Variants in DNAH9 observed in about 807,000 individuals in gnomAD.
DNAH9 encodes DNAH9 variant protein.
DNAH9 carries 345 observed loss-of-function variants against 471.6 expected under a neutral mutation model. The ratio of observed to expected loss-of-function variants is 0.73; its 90% CI spans 0.67 to 0.80. The LOEUF (loss-of-function observed/expected upper bound fraction) is 0.80. DNAH9 is among the 30% of genes least tolerant of loss of function. DNAH9 has a pLI of 0.00. For synonymous variants in DNAH9, 2,093 were observed against 2,123.6 expected (o/e 0.99, Z 0.40); for missense variants, 5,407 against 5,609.2 (o/e 0.96, Z 1.15).
chr17:11,948,938 G>A (rs922384521), intron 67 of DNAH9, among the ~76,000 whole-genome samples: 5 of 152,136 alleles, frequency 3.3e-5, no homozygotes, highest in African/African-American at 4.8e-5. Flanking sequence ...CTGAACGCCC[G>A]CTGCATGACC....
At chr17:11,744,276 C>T (rs2075480574) in intron 30 of DNAH9, among the ~76,000 whole-genome samples, 1 of 152,180 alleles carries the variant, frequency 6.6e-6, no homozygotes, top group South Asian at 2.1e-4. Flanking sequence ...ATGCTGCCAC[C>T]TGAAGCCTAG....
rs3744575 is a variant in DNAH9, at chr17:11,632,776, A to G, written c.1635+73A>G. 0.16 allele frequency: 111,672 copies of G among 711,018 alleles called. 9,993 individuals carry two copies. The highest frequency in any genetic ancestry group is 0.29 in the South Asian group (16,900 of 59,290). The allele number at this position is 711,018 out of a possible 1,614,324, so 44.0% of individuals were successfully genotyped here. A position where few individuals can be genotyped will look rare whatever the true frequency, so the allele number is the denominator to read the frequency against. On this transcript the variant is annotated intron_variant, in intron 8 of 68. Transcript: ENST00000262442. ...GCCCTCATCAGAGGATGATATGGAT[A>G]CCTTTCCACCTGTTCTGTTCCTGCA...
chr17:11,695,590 T>G (rs977010418), intron 22 of DNAH9, among the ~76,000 whole-genome samples: 1 of 152,166 alleles, frequency 6.6e-6, no homozygotes, highest in African/African-American at 2.4e-5. Flanking sequence ...GTTCGAAGGT[T>G]TTTTGAGTAT....
rs533435058 is a variant in DNAH9 at position 11,815,102 on chromosome 17, G to C, written c.8707+4733G>C. 2.1e-4 allele frequency among the ~76,000 whole-genome samples: 32 copies of C among 152,148 alleles called. 1 individual carries two copies. The South Asian group carries it at 4.8e-3, about 23-fold the overall frequency. ...ACAGTGGAACTTTAAACCAGGACCG[G>C]TTTGGTTCTCCAGCTGCAAAACAGA... On this transcript the variant is annotated intron_variant, in intron 45 of 68. Coordinates refer to ENST00000262442, the MANE Select transcript of DNAH9 (RefSeq NM_001372.4).
At position 11,610,497 on chromosome 17, in the gene DNAH9, C is replaced by A. The variant is rs539185922; in HGVS notation, c.716C>A (p.Pro239Gln). The A allele has an allele frequency of 6.2e-7, 1 of 1,613,562 alleles. No homozygotes were observed. Residue 239 changes from proline to glutamine, a missense_variant, in exon 3 of 69, where the codon CCA (proline) becomes CAA (glutamine). Coordinates refer to ENST00000262442, the MANE Select transcript of DNAH9 (RefSeq NM_001372.4). ...GTACTCAAGAGAGAGTCTTCCCAGC[C>A]ACTCTTACAAGGGGAGAATCCCACC... ...QVVLKRESSQ[P>Q]LLQGENPTPK...
rs999440041 is a variant in DNAH9, at chr17:11,623,034, C to G, written c.1350+3253C>G. Among the ~76,000 whole-genome samples the G allele has an allele frequency of 3.4e-5, 5 of 146,540 alleles. No individual in the cohort carries two copies. Among genetic ancestry groups the G allele is most frequent in the Admixed American group, 7.0e-5 (1 of 14,300 alleles). ...TGTTGCCCAGGCTGGAGTGCAGTGGCACAATCTCGGCTCACGACAACCTCT... is the reference window on the plus strand; with the variant it reads ...TGTTGCCCAGGCTGGAGTGCAGTGGGACAATCTCGGCTCACGACAACCTCT... On this transcript the variant is annotated intron_variant, in intron 6 of 68. Transcript: ENST00000262442. This position sits in a 1 kb window ranked among gnomAD's most constrained non-coding sequence, Gnocchi z 4.1.
chr17:11,878,531 T>C (rs2150992711), intron 53 of DNAH9, among the ~76,000 whole-genome samples: 1 of 151,398 alleles, frequency 6.6e-6, no homozygotes, highest in South Asian at 2.1e-4. Context: ...ACCTACATTT[T>C]TAGTTTTTAG....
intron 36 of DNAH9, among the ~76,000 whole-genome samples, chr17:11,766,236 GA>G (rs933467824): frequency 6.6e-6 from 1 of 150,580 alleles, no homozygotes; most frequent in Non-Finnish European, 1.5e-5. Flanking sequence ...TGCTTACATT[GA>G]AAAAAACTGT....
rs535758911 is a variant in DNAH9, at chr17:11,963,901, T to C, written c.13233+1645T>C. Among the ~76,000 whole-genome samples the C allele has an allele frequency of 9.9e-5, 15 of 152,176 alleles. 1 individual carries two copies. Among genetic ancestry groups the C allele is most frequent in the African/African-American group, 3.4e-4 (14 of 41,496 alleles). On this transcript the variant is annotated intron_variant, in intron 68 of 68. Transcript: ENST00000262442. ...ATTCCCTATGAAGACAGAGGCAGAA[T>C]TGGAGTGATGTATCTACAAGCCGAG...
intron 48 of DNAH9, among the ~76,000 whole-genome samples, chr17:11,828,642 A>G (rs1250604790): frequency 2.6e-5 from 4 of 152,116 alleles, no homozygotes; most frequent in Non-Finnish European, 5.9e-5. Flanking sequence ...CGGTTCTACC[A>G]CACTGTACCC....
chr17:11,733,786 G>A (rs940524864), intron 28 of DNAH9, among the ~76,000 whole-genome samples: 2 of 150,260 alleles, frequency 1.3e-5, no homozygotes, highest in African/African-American at 4.9e-5. Flanking sequence ...GTGTGAACCC[G>A]GGAGGTGGAG....
intron 48 of DNAH9, among the ~76,000 whole-genome samples, chr17:11,824,706 C>G (rs1462440025): frequency 1.3e-5 from 2 of 152,148 alleles, no homozygotes; most frequent in African/African-American, 2.4e-5. Context: ...CCTAACAACC[C>G]TTTCGCATTT....
intron 50 of DNAH9, among the ~76,000 whole-genome samples, chr17:11,862,401 C>A (rs1971887130): frequency 7.7e-6 from 1 of 129,160 alleles, no homozygotes; most frequent in Non-Finnish European, 1.7e-5. Context: ...GTACCAGTAC[C>A]ATGCTGTTTT....
chr17:11,710,138 A>G (rs143582696), intron 26 of DNAH9, among the ~76,000 whole-genome samples: 50 of 152,272 alleles, frequency 3.3e-4, no homozygotes, highest in African/African-American at 1.1e-3. Context: ...ATCATATCTT[A>G]TATATAAAAC....
intron 45 of DNAH9, among the ~76,000 whole-genome samples, chr17:11,815,086 C>A (rs1464492893): frequency 6.6e-6 from 1 of 152,144 alleles, no homozygotes. Context: ...GACAGTGGAA[C>A]TTTAAACCAG....
chr17:11,603,454 T>A (rs1225552527), intron 1 of DNAH9, among the ~76,000 whole-genome samples: 1 of 152,234 alleles, frequency 6.6e-6, no homozygotes, highest in Non-Finnish European at 1.5e-5. Context: ...GCATCTCTCC[T>A]TGTATCTTCT....
intron 26 of DNAH9, among the ~76,000 whole-genome samples, chr17:11,708,477 T>A (rs1287023877): frequency 6.6e-6 from 1 of 152,096 alleles, no homozygotes; most frequent in East Asian, 1.9e-4. Flanking sequence ...GAGGGAGATG[T>A]CGATCTCTCT....
At chr17:11,680,043 G>A in intron 18 of DNAH9, 64 bp downstream of exon 18, 2 of 1,269,250 alleles carry the variant, frequency 1.6e-6, no homozygotes, top group Non-Finnish European at 2.3e-6. Context: ...TTCAGAATGG[G>A]GTAAAGTGGG....
At chr17:11,668,217 A>T (rs2073907577) in intron 15 of DNAH9, among the ~76,000 whole-genome samples, 1 of 152,216 alleles carries the variant, frequency 6.6e-6, no homozygotes, top group African/African-American at 2.4e-5. Context: ...AGAAAAGGAT[A>T]AGGAGCAGAA....
Sources: gnomAD v4.1 joint callset for allele counts (sites outside exome capture counted in the v4.1 genomes callset) on GRCh38, gnomAD v4.1.1 for gene constraint, Gnocchi (gnomAD v3.1) non-coding constraint, MANE v1.5 for transcripts, NCBI Gene and HGNC (gene_info 2026-07-23, HGNC 2026-07-21) for gene names.